The following ZBTB38 variants were observed in gnomAD, a reference collection of about 807,000 sequenced individuals.
ZBTB38 encodes the protein zinc finger and BTB domain containing 38, also known as zinc finger and BTB domain-containing protein 38.
Under a neutral mutation model 76.8 loss-of-function variants are expected in ZBTB38, and 20 were observed. The ratio of observed to expected loss-of-function variants is 0.26; its 90% confidence interval spans 0.18 to 0.38. The LOEUF (loss-of-function observed/expected upper bound fraction) is 0.38, where lower values mean the gene tolerates loss of function less well. Ranked by LOEUF, ZBTB38 falls within the 10% of genes least tolerant of loss-of-function variation. The pLI is 1.00. For missense variants in ZBTB38, 1,082 were observed against 1,482.3 expected (o/e 0.73, Z 4.43); for synonymous variants, 504 against 544.2 (o/e 0.93, Z 1.03).
chr3:141,394,557 T>G (rs1263621876), intron 4 of ZBTB38: 1 of 152,268 alleles, frequency 6.6e-6, no homozygotes, highest in Non-Finnish European at 1.5e-5. Context: ...CTGCAGATTT[T>G]AGAAATTATT....
intron 5 of ZBTB38, among the ~76,000 whole-genome samples, chr3:141,424,161 CT>C (rs2075962199): frequency 6.6e-6 from 1 of 152,212 alleles, no homozygotes; most frequent in Admixed American, 6.5e-5. Flanking sequence ...AAACACCTTC[CT>C]TTCTACCAAG....
intron 5 of ZBTB38, among the ~76,000 whole-genome samples, chr3:141,425,780 G>A (rs550014373): frequency 7.9e-5 from 12 of 152,352 alleles, no homozygotes; most frequent in Middle Eastern, 3.4e-3. Context: ...ATGTTTTGGT[G>A]CTCCTGCACC....
rs1942733508 is a variant in ZBTB38, at chr3:141,328,212, G to A, written c.-739+3756G>A. On this transcript the variant is annotated intron_variant, in intron 1 of 7. Coordinates refer to the ZBTB38 transcript ENST00000509842. ...CTCTGTCTATCCATGCTTAAAGGTG[G>A]TGTTTTTCATACAATTTCATGTGCA... 2.6e-5 allele frequency among the ~76,000 whole-genome samples: 4 copies of A among 152,222 alleles called. No individual in the cohort carries two copies. In the South Asian group the frequency reaches 8.3e-4, roughly 32 times the overall value.
At chr3:141,334,592 A>G (rs1448041227) in intron 1 of ZBTB38, among the ~76,000 whole-genome samples, 1 of 151,862 alleles carries the variant, frequency 6.6e-6, no homozygotes, top group Non-Finnish European at 1.5e-5. Flanking sequence ...CCATAAGAGG[A>G]CAGCACCCCT....
chr3:141,343,717 A>C (rs1943262908), intron 1 of ZBTB38, among the ~76,000 whole-genome samples: 1 of 152,220 alleles, frequency 6.6e-6, no homozygotes, highest in African/African-American at 2.4e-5. Context: ...CAGAGCCAGG[A>C]CCAGGCATGG....
In ZBTB38 at chr3:141,445,880, A is replaced by C. The variant is rs2081043248; in HGVS notation, c.3492A>C (p.Glu1164Asp). The change falls in exon 6 of 6, where the codon GAA (glutamate) becomes GAC (aspartate). Residue 1164 changes from glutamate (E) to aspartate (D), a missense_variant. By Grantham distance (45) the Glu-to-Asp change is conservative (BLOSUM62 2). Transcript: ENST00000321464. This position sits in a 1 kb window ranked among gnomAD's most constrained non-coding sequence, Gnocchi z 6.5. ...QQEKIGDVCH[E>D]NSNPLENQHF... is the part of the protein sequence containing the mutation. ...AGAAAATAGGTGACGTGTGCCACGA[A>C]AACTCAAATCCCTTGGAGAATCAAC... The C allele has an allele frequency of 6.2e-7, 1 of 1,612,168 alleles. No homozygotes were observed. Among genetic ancestry groups the C allele is most frequent in the Non-Finnish European group, 8.5e-7 (1 of 1,180,038 alleles).
rs912866568 is a variant in ZBTB38 at position 141,346,273 on chromosome 3, C to T, written c.-739+21817C>T. On this transcript the variant is annotated intron_variant, in intron 1 of 7. Coordinates refer to the ZBTB38 transcript ENST00000509842. ...GCCTGGTCCTCTAGCTATTTTAACACTCCTGGTGATTAGCCAGAGCTGATA... is the reference window on the plus strand; with the variant it reads ...GCCTGGTCCTCTAGCTATTTTAACATTCCTGGTGATTAGCCAGAGCTGATA... 1.9e-4 allele frequency among the ~76,000 whole-genome samples: 29 copies of T among 152,170 alleles called. 2 individuals are homozygous for T.
intron 5 of ZBTB38, among the ~76,000 whole-genome samples, chr3:141,406,667 A>G (rs542776319): frequency 6.6e-6 from 1 of 152,240 alleles, no homozygotes; most frequent in Non-Finnish European, 1.5e-5. Flanking sequence ...AATATAGGGG[A>G]AAAATGGTTG....
intron 5 of ZBTB38, among the ~76,000 whole-genome samples, chr3:141,406,650 G>C (rs907716800): frequency 2.6e-5 from 4 of 152,138 alleles, no homozygotes; most frequent in Admixed American, 2.0e-4. Context: ...AGAGATTTTT[G>C]AGAGAGAATA....
rs1402577152 is a variant in ZBTB38 at position 141,443,527 on chromosome 3, TCAC to T, written c.1144_1146del (p.Thr382del). Reference sequence around the variant, plus strand: ...GTGTGCAAGTATTGCAACAAACAATTCACCACCCTGAACAGGTTGGATCGGCAT... The same window carrying T: ...GTGTGCAAGTATTGCAACAAACAATTCACCCTGAACAGGTTGGATCGGCAT... On this transcript the variant is annotated inframe_deletion, in exon 6 of 6. Transcript: ENST00000321464. This position sits in a 1 kb window ranked among gnomAD's most constrained non-coding sequence, Gnocchi z 5.6. 6.2e-7 allele frequency: 1 copy of T among 1,614,132 alleles called. No homozygotes were observed.
chr3:141,434,598 T>A (rs2078328541), intron 5 of ZBTB38, among the ~76,000 whole-genome samples: 1 of 152,224 alleles, frequency 6.6e-6, no homozygotes, highest in Non-Finnish European at 1.5e-5. Flanking sequence ...AAAGTGCCTC[T>A]ATTTACATTA....
intron 5 of ZBTB38, among the ~76,000 whole-genome samples, chr3:141,422,776 T>C (rs1482960965): frequency 1.3e-5 from 2 of 152,176 alleles, no homozygotes; most frequent in African/African-American, 4.8e-5. Context: ...CAAAACAATA[T>C]AGTCACTTAA....
intron 1 of ZBTB38, among the ~76,000 whole-genome samples, chr3:141,343,767 C>T (rs1054997991): frequency 6.6e-6 from 1 of 152,306 alleles, no homozygotes; most frequent in Admixed American, 6.5e-5. Context: ...GAAATATCCA[C>T]AAAAATCTGC....
upstream of ZBTB38, among the ~76,000 whole-genome samples, chr3:141,364,757 A>G (rs549701387): frequency 6.6e-6 from 1 of 151,566 alleles, no homozygotes; most frequent in Non-Finnish European, 1.5e-5. Flanking sequence ...TCTCCAAAGA[A>G]GATATACAAG....
intron 2 of ZBTB38, among the ~76,000 whole-genome samples, chr3:141,375,332 A>G (rs369321716): frequency 1.7e-4 from 26 of 152,374 alleles, no homozygotes; most frequent in African/African-American, 6.3e-4. Context: ...CAAAGGGCCC[A>G]GAGTCACCCA....
At position 141,444,567 on chromosome 3, in the gene ZBTB38, A is replaced by T. The variant is rs759839305; in HGVS notation, c.2179A>T (p.Ile727Phe). The T allele has an allele frequency of 6.2e-7, 1 of 1,614,154 alleles. No homozygotes were observed. Among genetic ancestry groups the T allele is most frequent in the South Asian group, 1.1e-5 (1 of 91,080 alleles). ...IVHSSQFSSV[I>F]MHSNAIAAMT... ...ACACAGCAGCCAGTTTTCATCGGTGATCATGCACAGCAATGCCATTGCTGC... is the reference window on the plus strand; with the variant it reads ...ACACAGCAGCCAGTTTTCATCGGTGTTCATGCACAGCAATGCCATTGCTGC... The change falls in exon 6 of 6, where the codon ATC becomes TTC. Residue 727 changes from isoleucine (I) to phenylalanine (F), a missense_variant. This residue lies in a region of ZBTB38 where 471 missense variants were observed against 581.0 expected (regional missense o/e 0.81). Coordinates refer to ENST00000321464, the MANE Select transcript of ZBTB38 (RefSeq NM_001376113.1). This position sits in a 1 kb window ranked among gnomAD's most constrained non-coding sequence, Gnocchi z 5.1.
intron 2 of ZBTB38, among the ~76,000 whole-genome samples, chr3:141,375,141 T>TA (rs1945182668): frequency 6.6e-6 from 1 of 152,224 alleles, no homozygotes; most frequent in Non-Finnish European, 1.5e-5. Context: ...GAATTTAACT[T>TA]AAAGTCTTTT....
chr3:141,445,534 T>G lies in ZBTB38; in HGVS notation c.3146T>G (p.Val1049Gly), dbSNP rs370269619. ...AAGACCTGCGGACGGTGCTTTTCGG[T>G]GCAAGGAAACTTACAGAAACATGAA... The part of the protein sequence containing the change: ...QCKTCGRCFS[V>G]QGNLQKHERI... Residue 1049 changes from valine to glycine, a missense_variant, in exon 6 of 6, where the codon GTG (valine) becomes GGG (glycine). This residue lies in a region of ZBTB38 where 69 missense variants were observed against 148.2 expected (regional missense o/e 0.47). Coordinates refer to ENST00000321464, the MANE Select transcript of ZBTB38 (RefSeq NM_001376113.1). The surrounding 1 kb of genome is among the most constrained non-coding windows in gnomAD (Gnocchi z 6.5). The G allele has an allele frequency of 1.9e-6, 3 of 1,614,064 alleles. No homozygotes were observed. The highest frequency in any genetic ancestry group is 2.7e-5 in the African/African-American group (2 of 74,914).
At chr3:141,403,036 G>C (rs1046455669) in intron 4 of ZBTB38, 8 of 152,158 alleles carry the variant, frequency 5.3e-5, no homozygotes, top group Non-Finnish European at 1.2e-4. Flanking sequence ...TGCTCTGTTG[G>C]TACAACATAC....
Sources: allele counts gnomAD v4.1 joint callset (sites outside exome capture counted in the v4.1 genomes callset), GRCh38; gene constraint gnomAD v4.1.1; regional missense constraint gnomAD v4.1.1; non-coding constraint Gnocchi (gnomAD v3.1); transcripts MANE v1.5; gene names NCBI Gene and HGNC (gene_info 2026-07-23, HGNC 2026-07-21).